The following DPP6 variants were observed in gnomAD, a reference collection of about 807,000 sequenced individuals.
The protein encoded by DPP6 is A-type potassium channel modulatory protein DPP6.
A neutral mutation model predicts 122.6 loss-of-function variants in DPP6; 69 were observed. That is an observed-to-expected ratio of 0.56 (90% CI 0.46 to 0.69). DPP6 has a LOEUF of 0.69. Among genes scored for constraint, DPP6 ranks in the 30% least tolerant of loss-of-function variants. The probability of loss-of-function intolerance (pLI) is 0.00; values close to 1 mark genes in which losing one functional copy is unlikely to be tolerated. For synonymous variants in DPP6, 418 were observed against 433.1 expected (o/e 0.97, Z 0.43); for missense variants, 928 against 1,116.9 (o/e 0.83, Z 2.41).
At chr7:153,868,496 T>C in the DPP6 span, among the ~76,000 whole-genome samples, 1 of 152,232 alleles carries the variant, frequency 6.6e-6, no homozygotes, top group Non-Finnish European at 1.5e-5. Flanking sequence ...TCGGTGGTGA[T>C]ATAACCTTTG....
intron 1 of DPP6, among the ~76,000 whole-genome samples, chr7:154,407,706 AT>A (rs1353409828): frequency 1.3e-5 from 2 of 152,164 alleles, no homozygotes; most frequent in East Asian, 3.9e-4. Flanking sequence ...CTAAGTCTGC[AT>A]TTTTATAGGA....
At chr7:154,694,029 C>T (rs1447111591) in intron 7 of DPP6, among the ~76,000 whole-genome samples, 2 of 152,154 alleles carry the variant, frequency 1.3e-5, no homozygotes, top group South Asian at 2.1e-4. Flanking sequence ...GATTTTTCAT[C>T]GTCCTGGAGG....
the DPP6 span, among the ~76,000 whole-genome samples, chr7:153,815,139 T>C: frequency 2.6e-5 from 4 of 152,128 alleles, no homozygotes; most frequent in Admixed American, 2.6e-4. Flanking sequence ...AAATAAAGGG[T>C]ATTCAATTAG....
At chr7:153,993,467 A>T (rs1797283037) in intron 1 of DPP6, among the ~76,000 whole-genome samples, 1 of 152,232 alleles carries the variant, frequency 6.6e-6, no homozygotes, top group South Asian at 2.1e-4. Context: ...ACTTTAAATT[A>T]TATTCTTGAT....
intron 1 of DPP6, among the ~76,000 whole-genome samples, chr7:154,071,323 A>G (rs1803105159): frequency 6.6e-6 from 1 of 152,174 alleles, no homozygotes; most frequent in African/African-American, 2.4e-5. Flanking sequence ...TCATTTTACA[A>G]ATATGGAAAC....
chr7:154,010,424 AAGTCAG>A (rs1290809886), intron 1 of DPP6, among the ~76,000 whole-genome samples: 1 of 152,250 alleles, frequency 6.6e-6, no homozygotes, highest in Non-Finnish European at 1.5e-5. Flanking sequence ...GAAATAATGG[AAGTCAG>A]AGTCAAACTC....
At chr7:154,319,121 C>T (rs769947464) in intron 1 of DPP6, among the ~76,000 whole-genome samples, 14 of 152,320 alleles carry the variant, frequency 9.2e-5, no homozygotes, top group East Asian at 3.9e-4. Context: ...AGCCTCTCTG[C>T]GCTTGTCCTC....
chr7:154,499,209 A>T (rs1395652127), intron 3 of DPP6, among the ~76,000 whole-genome samples: 1 of 152,230 alleles, frequency 6.6e-6, no homozygotes, highest in Non-Finnish European at 1.5e-5. Context: ...ACAAGAAGAC[A>T]TTAGAGAAGA....
At chr7:154,408,888 C>T (rs529010127) in intron 1 of DPP6, among the ~76,000 whole-genome samples, 117 of 152,124 alleles carry the variant, frequency 7.7e-4, no homozygotes, top group African/African-American at 2.7e-3. Context: ...TGCCTGTAAT[C>T]CCAGCACTTT....
At chr7:154,775,860 T>A (rs999942758) in intron 10 of DPP6, among the ~76,000 whole-genome samples, 6 of 151,894 alleles carry the variant, frequency 4.0e-5, no homozygotes, top group Non-Finnish European at 8.8e-5. Flanking sequence ...CCACTCTCCT[T>A]GTCTACACCT....
intron 1 of DPP6, among the ~76,000 whole-genome samples, chr7:154,334,891 G>A (rs1306693053): frequency 6.6e-6 from 1 of 151,900 alleles, no homozygotes; most frequent in Non-Finnish European, 1.5e-5. Flanking sequence ...GGAAGACTCT[G>A]TCTCAAAAGA....
chr7:154,683,289 A>G (rs529103927), intron 7 of DPP6, among the ~76,000 whole-genome samples: 6 of 152,270 alleles, frequency 3.9e-5, no homozygotes, highest in Admixed American at 2.0e-4. Context: ...TGTGAGGCCA[A>G]CTGTGCACTC....
intron 6 of DPP6, among the ~76,000 whole-genome samples, chr7:154,640,608 A>G (rs1415263057): frequency 6.6e-6 from 1 of 152,138 alleles, no homozygotes; most frequent in Non-Finnish European, 1.5e-5. Flanking sequence ...TCTGAGCGGT[A>G]TCTCCGTAGG....
In DPP6 at chr7:154,169,414, T is replaced by A. The variant is rs114284292; in HGVS notation, c.243+116351T>A. The stretch of plus-strand genomic sequence containing the variant: ...CAGTTGGCTCCACTTCCACATGAGA[T>A]GGCAGCAGGCATCGCTAAGCCTGAT... On this transcript the variant is annotated intron_variant, in intron 1 of 25. Coordinates refer to ENST00000377770, the MANE Select transcript of DPP6 (RefSeq NM_130797.4). Among the ~76,000 whole-genome samples the A allele has an allele frequency of 4.2e-3, 638 of 152,268 alleles. 6 individuals are homozygous for A. Among genetic ancestry groups the A allele is most frequent in the African/African-American group, 0.015 (612 of 41,556 alleles).
chr7:154,104,876 TAC>T (rs1806037931), intron 1 of DPP6, among the ~76,000 whole-genome samples: 1 of 152,158 alleles, frequency 6.6e-6, no homozygotes, highest in Non-Finnish European at 1.5e-5. Context: ...TGTGTGTGCC[TAC>T]ATAACAAACA....
intron 16 of DPP6, among the ~76,000 whole-genome samples, chr7:154,820,925 ACAGG>A (rs897491985): frequency 6.6e-5 from 10 of 152,372 alleles, no homozygotes; most frequent in Non-Finnish European, 4.4e-5. Flanking sequence ...ATATAAGATT[ACAGG>A]CAGGGCTCAG....
intron 1 of DPP6, among the ~76,000 whole-genome samples, chr7:153,939,808 A>G (rs995246487): frequency 1.3e-5 from 2 of 152,242 alleles, no homozygotes; most frequent in African/African-American, 4.8e-5. Context: ...CTATGCTGAC[A>G]TGCCTCCTGG....
At chr7:154,639,837 C>A (rs151127884) in intron 6 of DPP6, among the ~76,000 whole-genome samples, 7 of 152,326 alleles carry the variant, frequency 4.6e-5, no homozygotes, top group East Asian at 1.9e-4. Flanking sequence ...CCCTGTTCAA[C>A]AACCTGCAAG....
chr7:154,130,847 C>A (rs1031305489), intron 1 of DPP6, among the ~76,000 whole-genome samples: 7 of 152,130 alleles, frequency 4.6e-5, no homozygotes, highest in Non-Finnish European at 4.4e-5. Flanking sequence ...AAGAGTAGCC[C>A]CTGCAAGACG....
Sources: allele counts gnomAD v4.1 joint callset (sites outside exome capture counted in the v4.1 genomes callset), GRCh38; gene constraint gnomAD v4.1.1; transcripts MANE v1.5; gene names NCBI Gene and HGNC (gene_info 2026-07-23, HGNC 2026-07-21).